Variants in GPC5 observed in about 807,000 individuals in gnomAD.
GPC5 encodes glypican 5.
In GPC5, 47 loss-of-function variants were observed where a neutral mutation model predicts 53.9. That is an observed-to-expected ratio of 0.87 (90% CI 0.69 to 1.11). The LOEUF (loss-of-function observed/expected upper bound fraction) is 1.11, where lower values mean the gene tolerates loss of function less well. Among genes scored for constraint, GPC5 ranks in the 50% most tolerant of loss-of-function variants. The pLI is 0.00. For synonymous variants in GPC5, 286 were observed against 263.3 expected (o/e 1.09, Z -0.84); for missense variants, 748 against 713.1 (o/e 1.05, Z -0.56).
At chr13:91,895,406 GTT>G (rs1157251186) in intron 5 of GPC5, among the ~76,000 whole-genome samples, 3 of 152,192 alleles carry the variant, frequency 2.0e-5, no homozygotes, top group Admixed American at 2.0e-4. Flanking sequence ...CTATGTAATT[GTT>G]TTGAGATAAT....
intron 7 of GPC5, among the ~76,000 whole-genome samples, chr13:92,599,815 G>C (rs947126726): frequency 5.8e-4 from 4 of 6,850 alleles, no homozygotes; most frequent in African/African-American, 7.5e-4. Context: ...CTTTTTTTTT[G>C]TAAAAAAAAA....
At chr13:91,430,839 G>T (rs775422699) in intron 1 of GPC5, among the ~76,000 whole-genome samples, 19 of 152,074 alleles carry the variant, frequency 1.2e-4, no homozygotes, top group Non-Finnish European at 2.6e-4. Flanking sequence ...GGCAGTGGGG[G>T]TTCCCTATTA....
chr13:92,657,444 G>A (rs1248037756), intron 7 of GPC5, among the ~76,000 whole-genome samples: 2 of 152,060 alleles, frequency 1.3e-5, no homozygotes, highest in African/African-American at 4.8e-5. Context: ...TCCAAGTCTA[G>A]ATCCCAGGGT....
At chr13:92,525,779 T>C (rs1881258016) in intron 7 of GPC5, among the ~76,000 whole-genome samples, 1 of 151,970 alleles carries the variant, frequency 6.6e-6, no homozygotes, top group Admixed American at 6.6e-5. Context: ...ATGGTGATAT[T>C]ATCCATGAGA....
intron 2 of GPC5, among the ~76,000 whole-genome samples, chr13:91,665,943 G>A (rs1025683597): frequency 2.0e-5 from 3 of 152,156 alleles, no homozygotes; most frequent in African/African-American, 7.2e-5. Context: ...TCTTAGAGTT[G>A]GAAGGAATTT....
chr13:91,846,103 G>T (rs1249890857), intron 5 of GPC5, among the ~76,000 whole-genome samples: 1 of 152,074 alleles, frequency 6.6e-6, no homozygotes, highest in African/African-American at 2.4e-5. Flanking sequence ...TTTGCAGAAA[G>T]AGTTGTGGGG....
intron 6 of GPC5, among the ~76,000 whole-genome samples, chr13:91,911,431 C>G (rs2039609408): frequency 6.6e-6 from 1 of 152,100 alleles, no homozygotes; most frequent in South Asian, 2.1e-4. Flanking sequence ...GTAATCCCAG[C>G]TACTCAGGAG....
chr13:92,823,495 G>T, intron 7 of GPC5, among the ~76,000 whole-genome samples: 1 of 151,960 alleles, frequency 6.6e-6, no homozygotes, highest in East Asian at 1.9e-4. Flanking sequence ...CTCCCAAAAG[G>T]ATTTAAATAT....
intron 7 of GPC5, among the ~76,000 whole-genome samples, chr13:92,571,623 G>A (rs1430017843): frequency 1.3e-5 from 2 of 151,836 alleles, no homozygotes; most frequent in East Asian, 1.9e-4. Flanking sequence ...CGGTATCAGT[G>A]TGCTTCATGA....
chr13:92,122,474 G>A (rs538213911), intron 6 of GPC5, among the ~76,000 whole-genome samples: 1 of 151,780 alleles, frequency 6.6e-6, no homozygotes, highest in East Asian at 1.9e-4. Context: ...TTAATTAGGT[G>A]CTTATCCTAA....
intron 7 of GPC5, among the ~76,000 whole-genome samples, chr13:92,385,488 A>ATACATATGCATATATG (rs1308122777): frequency 1.7e-5 from 1 of 58,940 alleles, no homozygotes; most frequent in African/African-American, 6.4e-5. Flanking sequence ...ACATATATAC[A>ATACATATGCATATATG]CATATATACA....
At position 92,741,831 on chromosome 13, in the gene GPC5, G is replaced by A. The variant is rs903449713; in HGVS notation, c.1562-124451G>A. 7.2e-5 allele frequency among the ~76,000 whole-genome samples: 11 copies of A among 152,034 alleles called. 1 individual carries two copies. Among genetic ancestry groups the A allele is most frequent in the East Asian group, 1.9e-4 (1 of 5,148 alleles). On this transcript the variant is annotated intron_variant, in intron 7 of 7. Transcript: ENST00000377067. ...AATTCCCGCCTATGAGTAAGAACAC[G>A]CGGTGTTTGGTTTTTTTCCTTGAGA... is the stretch of plus-strand genomic sequence containing the variant.
chr13:91,728,671 A>G lies in GPC5; in HGVS notation c.1154+6A>G. 2 of 1,606,936 alleles carry G rather than the reference A, an allele frequency of 1.2e-6. No individual in the cohort carries two copies. The highest frequency in any genetic ancestry group is 8.5e-7 in the Non-Finnish European group (1 of 1,176,960). ...ACGCTTGCCAACAGAAGAAAGTAAG[A>G]CATTTGTTTTACAACCAGAAAGAGA... On this transcript the variant is annotated splice_donor_region_variant and intron_variant, in intron 4 of 7. Coordinates refer to ENST00000377067, the MANE Select transcript of GPC5 (RefSeq NM_004466.6).
chr13:91,487,243 C>T (rs1466531842), intron 2 of GPC5, among the ~76,000 whole-genome samples: 2 of 152,156 alleles, frequency 1.3e-5, no homozygotes, highest in Non-Finnish European at 2.9e-5. Flanking sequence ...ATATACTCTT[C>T]TTCACGGGGA....
At chr13:91,770,012 A>G (rs1203073472) in intron 5 of GPC5, among the ~76,000 whole-genome samples, 1 of 152,206 alleles carries the variant, frequency 6.6e-6, no homozygotes, top group Admixed American at 6.5e-5. Flanking sequence ...TCCCCAGATT[A>G]TGCACAACTT....
At chr13:91,778,845 AG>A (rs1260991472) in intron 5 of GPC5, among the ~76,000 whole-genome samples, 1 of 152,254 alleles carries the variant, frequency 6.6e-6, no homozygotes, top group Admixed American at 6.5e-5. Context: ...TATCTATGCA[AG>A]CTTAGATGAT....
intron 7 of GPC5, among the ~76,000 whole-genome samples, chr13:92,216,905 G>C (rs1161658408): frequency 6.6e-6 from 1 of 151,514 alleles, no homozygotes; most frequent in African/African-American, 2.4e-5. Flanking sequence ...CTTGAACCCA[G>C]GAGGTGGAGG....
intron 7 of GPC5, among the ~76,000 whole-genome samples, chr13:92,791,226 T>G (rs1876449093): frequency 6.6e-6 from 1 of 152,116 alleles, no homozygotes; most frequent in Non-Finnish European, 1.5e-5. Context: ...TTTTACTGTA[T>G]TGCTGCACAA....
At chr13:92,103,720 T>A (rs2041484600) in intron 6 of GPC5, among the ~76,000 whole-genome samples, 1 of 152,182 alleles carries the variant, frequency 6.6e-6, no homozygotes, top group Non-Finnish European at 1.5e-5. Flanking sequence ...TAGCAAGCAT[T>A]TCTGAGTGTG....
Sources: gnomAD v4.1 joint callset for allele counts (sites outside exome capture counted in the v4.1 genomes callset) on GRCh38, gnomAD v4.1.1 for gene constraint, MANE v1.5 for transcripts, NCBI Gene and HGNC (gene_info 2026-07-23, HGNC 2026-07-21) for gene names.